The following LRBA variants were observed in gnomAD, a reference collection of about 807,000 sequenced individuals.
LRBA encodes lipopolysaccharide-responsive and beige-like anchor protein.
Under a neutral mutation model 330.0 loss-of-function variants are expected in LRBA, and 176 were observed. The ratio of observed to expected loss-of-function variants is 0.53; its 90% CI spans 0.47 to 0.60. The LOEUF is 0.60. LRBA is among the 20% of genes least tolerant of loss of function. LRBA has a pLI of 0.00. For missense variants in LRBA, 3,259 were observed against 3,444.8 expected, an observed-to-expected ratio of 0.95 and a Z score of 1.35; for synonymous variants, 1,230 against 1,193.0, an observed-to-expected ratio of 1.03 and a Z score of -0.64.
rs756398353 is a variant in LRBA, at chr4:150,315,520, C to T, written c.7693+41G>A. 8 of 1,537,328 alleles carry T rather than the reference C, an allele frequency of 5.2e-6. No individual in the cohort carries two copies. In the South Asian group the frequency reaches 6.7e-5, roughly 13 times the overall value. ...TAATCTACACTTCAGGGCCACCATA[C>T]AGAGCTTAATGAATCGCAAAGAGAG... On this transcript the variant is annotated intron_variant, in intron 51 of 56. Transcript: ENST00000651943.
At chr4:150,729,100 C>T (rs1453377642) in intron 36 of LRBA, among the ~76,000 whole-genome samples, 1 of 152,124 alleles carries the variant, frequency 6.6e-6, no homozygotes, top group Non-Finnish European at 1.5e-5. Flanking sequence ...AGGTGGACTG[C>T]TTGAGCCCAG....
At chr4:150,619,466 G>C (rs1284456489) in intron 37 of LRBA, among the ~76,000 whole-genome samples, 2 of 152,014 alleles carry the variant, frequency 1.3e-5, no homozygotes, top group Non-Finnish European at 2.9e-5. Flanking sequence ...TCAAAATAAG[G>C]GTTGTTATAA....
At chr4:150,659,136 C>T (rs1358524916) in intron 37 of LRBA, among the ~76,000 whole-genome samples, 1 of 136,524 alleles carries the variant, frequency 7.3e-6, no homozygotes, top group Admixed American at 7.4e-5. Flanking sequence ...GCCCGGCCGC[C>T]ACCCCGTCTG....
At chr4:150,932,242 C>A (rs72963626) in intron 2 of LRBA, among the ~76,000 whole-genome samples, 4,632 of 148,942 alleles carry the variant, frequency 0.031, 188 homozygotes, top group African/African-American at 0.1. Flanking sequence ...AAAAAAAAAT[C>A]AAAAAGTAAA....
chr4:150,480,006 CTCAATTCAATACCAAATTAGG>C (rs1554036734), intron 42 of LRBA, among the ~76,000 whole-genome samples: 1 of 152,176 alleles, frequency 6.6e-6, no homozygotes, highest in Non-Finnish European at 1.5e-5. Flanking sequence ...TCAAAAGTAG[CTCAATTCAATACCAAATTAGG>C]TATGCTAAAA....
chr4:150,441,419 A>C (rs1267024663), intron 44 of LRBA, among the ~76,000 whole-genome samples: 1 of 152,140 alleles, frequency 6.6e-6, no homozygotes, highest in Non-Finnish European at 1.5e-5. Context: ...AGAAATATCA[A>C]GCAACTTATA....
chr4:150,605,317 T>A (rs980016045), intron 37 of LRBA, among the ~76,000 whole-genome samples: 3 of 152,324 alleles, frequency 2.0e-5, no homozygotes, highest in African/African-American at 7.2e-5. Context: ...ATATGAGTTT[T>A]AAAAAGAAAA....
chr4:150,815,049 T>TG (rs1744357745), intron 31 of LRBA, among the ~76,000 whole-genome samples: 3 of 151,972 alleles, frequency 2.0e-5, no homozygotes, highest in Non-Finnish European at 4.4e-5. Flanking sequence ...AAGGGTCCTA[T>TG]TTCCTCTGTT....
chr4:150,540,078 C>T (rs1367256415), intron 40 of LRBA, among the ~76,000 whole-genome samples: 1 of 152,052 alleles, frequency 6.6e-6, no homozygotes, highest in Non-Finnish European at 1.5e-5. Flanking sequence ...ATATGTCTTG[C>T]TACTTAATAA....
intron 35 of LRBA, among the ~76,000 whole-genome samples, chr4:150,754,278 T>A (rs1472475912): frequency 6.9e-6 from 1 of 144,846 alleles, no homozygotes; most frequent in African/African-American, 2.9e-5. Context: ...AACATATGCT[T>A]ATCCTAATTA....
intron 36 of LRBA, among the ~76,000 whole-genome samples, chr4:150,717,232 G>A (rs1728321060): frequency 6.6e-6 from 1 of 152,020 alleles, no homozygotes; most frequent in African/African-American, 2.4e-5. Context: ...TTTTATATTT[G>A]TTAAGAATTC....
intron 9 of LRBA, among the ~76,000 whole-genome samples, chr4:150,912,127 T>C (rs1262468002): frequency 6.7e-6 from 1 of 149,352 alleles, no homozygotes; most frequent in Admixed American, 6.7e-5. Context: ...GATGTTTAAT[T>C]AAAAAAAAAA....
chr4:150,551,590 C>T (rs1407868327), intron 40 of LRBA, among the ~76,000 whole-genome samples: 2 of 151,854 alleles, frequency 1.3e-5, no homozygotes, highest in African/African-American at 4.8e-5. Context: ...ATCACTAAAA[C>T]CAGAGAGGTC....
intron 44 of LRBA, among the ~76,000 whole-genome samples, chr4:150,451,657 ATAAAT>A (rs1405062748): frequency 6.6e-6 from 1 of 152,178 alleles, no homozygotes; most frequent in Non-Finnish European, 1.5e-5. Flanking sequence ...AAAAAGGAAG[ATAAAT>A]TAAATCTAAA....
chr4:150,452,665 C>T (rs1753511208), intron 44 of LRBA, among the ~76,000 whole-genome samples: 1 of 151,486 alleles, frequency 6.6e-6, no homozygotes, highest in Non-Finnish European at 1.5e-5. Flanking sequence ...CTAATAGAAG[C>T]ACCTACAGAA....
chr4:150,567,977 T>C (rs571674661), intron 40 of LRBA, among the ~76,000 whole-genome samples: 1 of 152,076 alleles, frequency 6.6e-6, no homozygotes, highest in Admixed American at 6.6e-5. Context: ...TATATTAGAG[T>C]GTTTAAGATC....
chr4:150,790,669 T>C (rs1739768707), intron 34 of LRBA, among the ~76,000 whole-genome samples: 1 of 152,192 alleles, frequency 6.6e-6, no homozygotes, highest in African/African-American at 2.4e-5. Flanking sequence ...TCATGACCAA[T>C]TTATATAGCT....
intron 37 of LRBA, among the ~76,000 whole-genome samples, chr4:150,646,340 TGGA>T (rs1779135495): frequency 6.6e-6 from 1 of 152,034 alleles, no homozygotes; most frequent in African/African-American, 2.4e-5. Flanking sequence ...ATGAATAGGC[TGGA>T]GAGTGGTTCA....
chr4:150,285,820 G>T, intron 54 of LRBA, 113 bp downstream of exon 54: 2 of 543,808 alleles, frequency 3.7e-6, no homozygotes, highest in Non-Finnish European at 3.2e-6. Flanking sequence ...ATGACTAATG[G>T]CTATCATAAC....
Sources: gnomAD v4.1 joint callset for allele counts (sites outside exome capture counted in the v4.1 genomes callset) on GRCh38, gnomAD v4.1.1 for gene constraint, MANE v1.5 for transcripts, NCBI Gene and HGNC (gene_info 2026-07-23, HGNC 2026-07-21) for gene names.